PCDH15: variants seen among roughly 807,000 people sequenced by gnomAD.
PCDH15 encodes the protein protocadherin-15.
Under a neutral mutation model 178.5 loss-of-function variants are expected in PCDH15, and 129 were observed. The ratio of observed to expected loss-of-function variants is 0.72; its 90% CI spans 0.63 to 0.84. PCDH15 has a LOEUF of 0.84. PCDH15 is among the 40% of genes least tolerant of loss of function. PCDH15 has a pLI of 0.00. For synonymous variants in PCDH15, 800 were observed against 732.0 expected, an observed-to-expected ratio of 1.09 and a Z score of -1.50; for missense variants, 2,230 against 2,099.9, an observed-to-expected ratio of 1.06 and a Z score of -1.21.
intron 2 of PCDH15, among the ~76,000 whole-genome samples, chr10:54,583,922 G>A (rs2091255287): frequency 6.6e-6 from 1 of 151,906 alleles, no homozygotes; most frequent in Admixed American, 6.6e-5. Context: ...TTAAAATTAA[G>A]ATTCGACTAA....
chr10:54,389,252 G>C (rs1352774003), intron 3 of PCDH15, among the ~76,000 whole-genome samples: 1 of 152,072 alleles, frequency 6.6e-6, no homozygotes, highest in Non-Finnish European at 1.5e-5. Context: ...ATGTCCTCTG[G>C]TTATCTTAGA....
intron 2 of PCDH15, among the ~76,000 whole-genome samples, chr10:54,539,562 A>T (rs1444733223): frequency 6.6e-6 from 1 of 152,206 alleles, no homozygotes; most frequent in African/African-American, 2.4e-5. Context: ...ACAACATTAG[A>T]CAAATCATTG....
At chr10:55,141,367 C>A (rs1838350078) in intron 2 of PCDH15, among the ~76,000 whole-genome samples, 1 of 152,038 alleles carries the variant, frequency 6.6e-6, no homozygotes, top group African/African-American at 2.4e-5. Flanking sequence ...CAAATTGCTG[C>A]AAAAAGCAAA....
chr10:54,641,075 G>T, intron 2 of PCDH15: 1 of 281,666 alleles, frequency 3.6e-6, no homozygotes, highest in Non-Finnish European at 7.1e-6. Context: ...CTGCACTCCA[G>T]CCTGGGCGAT....
At chr10:54,495,025 T>G (rs2079982405) in intron 3 of PCDH15, among the ~76,000 whole-genome samples, 1 of 152,150 alleles carries the variant, frequency 6.6e-6, no homozygotes, top group African/African-American at 2.4e-5. Flanking sequence ...TCTTTCTCTG[T>G]TGATACAGAT....
chr10:54,940,355 T>C (rs1838030608), intron 2 of PCDH15, among the ~76,000 whole-genome samples: 1 of 152,164 alleles, frequency 6.6e-6, no homozygotes. Context: ...TTTTGCTCTG[T>C]TGTTCGTTTT....
chr10:54,394,904 A>G (rs1364685718), intron 3 of PCDH15, among the ~76,000 whole-genome samples: 1 of 152,094 alleles, frequency 6.6e-6, no homozygotes, highest in East Asian at 1.9e-4. Flanking sequence ...TTTGCTTTTG[A>G]AAGAAGAGAA....
chr10:54,572,971 T>C (rs2090018286), intron 2 of PCDH15, among the ~76,000 whole-genome samples: 1 of 152,144 alleles, frequency 6.6e-6, no homozygotes, highest in South Asian at 2.1e-4. Flanking sequence ...TTTCAAGTTT[T>C]AATTATTCAT....
At chr10:54,188,654 A>G (rs534261521) in intron 11 of PCDH15, among the ~76,000 whole-genome samples, 19 of 152,036 alleles carry the variant, frequency 1.2e-4, no homozygotes, top group African/African-American at 3.6e-4. Flanking sequence ...AATGCATATG[A>G]AAACACACAG....
chr10:55,101,462 A>G (rs1372368695), intron 2 of PCDH15, among the ~76,000 whole-genome samples: 1 of 151,388 alleles, frequency 6.6e-6, no homozygotes, highest in Non-Finnish European at 1.5e-5. Context: ...CTCCACAGCC[A>G]TGCAAAATAG....
intron 3 of PCDH15, among the ~76,000 whole-genome samples, chr10:54,497,795 T>A (rs967930233): frequency 2.6e-5 from 4 of 152,018 alleles, no homozygotes; most frequent in African/African-American, 9.7e-5. Context: ...TTTTGATAAA[T>A]ATGAGATTAT....
intron 2 of PCDH15, among the ~76,000 whole-genome samples, chr10:55,099,117 T>G (rs575031143): frequency 1.8e-4 from 28 of 152,194 alleles, no homozygotes; most frequent in Non-Finnish European, 3.2e-4. Context: ...CTATTTCATT[T>G]TTTTGAAGAG....
At chr10:55,158,078 G>GTA (rs1176916491) in intron 2 of PCDH15, among the ~76,000 whole-genome samples, 3,340 of 117,126 alleles carry the variant, frequency 0.029, 49 homozygotes, top group African/African-American at 0.048. Context: ...GTATGTGTGT[G>GTA]TATATATATA....
At position 53,832,050 on chromosome 10, in the gene PCDH15, T is replaced by A. The variant is rs1458789158; in HGVS notation, c.3984-517A>T. Reference sequence around the variant, plus strand: ...TTTCAGACTCAAACTCTGTATTTGTTTGCCATAACACCATCTTAAAAGTAA... The same window carrying A: ...TTTCAGACTCAAACTCTGTATTTGTATGCCATAACACCATCTTAAAAGTAA... On this transcript the variant is annotated intron_variant, in intron 29 of 37. Coordinates refer to ENST00000644397, the MANE Select transcript of PCDH15 (RefSeq NM_001384140.1). Among the ~76,000 whole-genome samples the A allele has an allele frequency of 7.1e-4, 108 of 151,448 alleles. 2 individuals are homozygous for A. Among genetic ancestry groups the A allele is most frequent in the African/African-American group, 2.6e-3 (105 of 40,786 alleles).
At chr10:55,322,579 G>A (rs1241013591), upstream of PCDH15, among the ~76,000 whole-genome samples, 4 of 152,134 alleles carry the variant, frequency 2.6e-5, no homozygotes, top group Non-Finnish European at 5.9e-5. Context: ...AGTCCAGGCT[G>A]AGGTGGCCTT....
intron 1 of PCDH15, among the ~76,000 whole-genome samples, chr10:54,778,726 C>A (rs957866967): frequency 6.6e-6 from 1 of 152,024 alleles, no homozygotes; most frequent in Admixed American, 6.6e-5. Context: ...TATTTATCTA[C>A]TCTTGACTGG....
chr10:54,950,483 G>T (rs2131873787), intron 2 of PCDH15, among the ~76,000 whole-genome samples: 1 of 152,126 alleles, frequency 6.6e-6, no homozygotes, highest in East Asian at 1.9e-4. Context: ...CACTTTGCCT[G>T]CTGCCATCCA....
chr10:53,963,010 C>A (rs994426858), intron 21 of PCDH15, among the ~76,000 whole-genome samples: 1 of 152,150 alleles, frequency 6.6e-6, no homozygotes, highest in African/African-American at 2.4e-5. Flanking sequence ...ACATTAACTT[C>A]TTCAGAGAAA....
chr10:54,216,851 G>A (rs958523230), intron 9 of PCDH15, among the ~76,000 whole-genome samples: 5 of 152,018 alleles, frequency 3.3e-5, no homozygotes, highest in Admixed American at 2.0e-4. Context: ...CATCAATAGT[G>A]GTCTGGGTAA....
Sources: allele counts gnomAD v4.1 joint callset (sites outside exome capture counted in the v4.1 genomes callset), GRCh38; gene constraint gnomAD v4.1.1; transcripts MANE v1.5; gene names NCBI Gene and HGNC (gene_info 2026-07-23, HGNC 2026-07-21).